STXBP5L: variants seen among roughly 807,000 people sequenced by gnomAD.
The protein encoded by STXBP5L is syntaxin binding protein 5L, also known as syntaxin-binding protein 5-like.
Under a neutral mutation model 144.5 loss-of-function variants are expected in STXBP5L, and 65 were observed. That is an observed-to-expected ratio of 0.45 (90% CI 0.37 to 0.55). The LOEUF is 0.55. STXBP5L is among the 20% of genes least tolerant of loss of function. The probability of loss-of-function intolerance (pLI) is 0.00; values close to 1 mark genes in which losing one functional copy is unlikely to be tolerated. For synonymous variants in STXBP5L, 505 were observed against 469.6 expected, an observed-to-expected ratio of 1.08 and a Z score of -0.97; for missense variants, 1,298 against 1,405.5, an observed-to-expected ratio of 0.92 and a Z score of 1.22.
chr3:120,938,930 A>C (rs657578), intron 2 of STXBP5L, among the ~76,000 whole-genome samples: 78,220 of 151,774 alleles, frequency 0.52, 20,601 homozygotes, highest in Admixed American at 0.6. Flanking sequence ...TACAGGGGCG[A>C]AACACCATTC....
At chr3:121,250,114 A>G (rs953405757) in intron 14 of STXBP5L, among the ~76,000 whole-genome samples, 10 of 151,982 alleles carry the variant, frequency 6.6e-5, no homozygotes, top group Non-Finnish European at 1.3e-4. Flanking sequence ...GACAATTTTT[A>G]TGCCTATTCT....
chr3:121,054,867 T>G (rs769453013), intron 5 of STXBP5L, among the ~76,000 whole-genome samples: 66 of 151,868 alleles, frequency 4.3e-4, no homozygotes, highest in Middle Eastern at 3.4e-3. Context: ...TCTAATACTT[T>G]GAATAGATCT....
intron 9 of STXBP5L, among the ~76,000 whole-genome samples, chr3:121,195,517 ATAT>A (rs2047888187): frequency 6.6e-6 from 1 of 152,124 alleles, no homozygotes; most frequent in African/African-American, 2.4e-5. Flanking sequence ...AGATAATGCA[ATAT>A]TTGTCTTTCT....
chr3:121,274,126 A>G (rs557407331), intron 18 of STXBP5L, among the ~76,000 whole-genome samples: 2 of 152,140 alleles, frequency 1.3e-5, no homozygotes, highest in African/African-American at 2.4e-5. Flanking sequence ...CAGTGTTATC[A>G]TTCCCTGCTT....
At chr3:121,048,513 T>A (rs1947685271) in intron 5 of STXBP5L, among the ~76,000 whole-genome samples, 1 of 152,108 alleles carries the variant, frequency 6.6e-6, no homozygotes, top group African/African-American at 2.4e-5. Flanking sequence ...CTTTACATAA[T>A]CCTTTATTTT....
chr3:121,385,359 C>T (rs76483735), intron 22 of STXBP5L, among the ~76,000 whole-genome samples: 19,219 of 152,070 alleles, frequency 0.13, 1,352 homozygotes, highest in Middle Eastern at 0.18. Context: ...GGAGGTACCA[C>T]ATAATTTTAA....
At chr3:121,026,449 A>T (rs925875703) in intron 3 of STXBP5L, among the ~76,000 whole-genome samples, 2 of 151,926 alleles carry the variant, frequency 1.3e-5, no homozygotes, top group Non-Finnish European at 2.9e-5. Context: ...CATTTTGCTT[A>T]TTTGTTTGCT....
chr3:121,351,022 G>C (rs1038779136), intron 20 of STXBP5L, among the ~76,000 whole-genome samples: 1 of 151,970 alleles, frequency 6.6e-6, no homozygotes, highest in Admixed American at 6.6e-5. Flanking sequence ...TCCTTTGGAG[G>C]AGGAGAGGCG....
At chr3:121,312,391 T>TTA (rs1491500989) in intron 19 of STXBP5L, among the ~76,000 whole-genome samples, 62 of 100,380 alleles carry the variant, frequency 6.2e-4, no homozygotes, top group South Asian at 9.8e-4. Flanking sequence ...TTTTTTTTTT[T>TTA]ATGGCAGAAA....
chr3:120,983,064 T>C (rs1941947843), intron 3 of STXBP5L, among the ~76,000 whole-genome samples: 1 of 152,114 alleles, frequency 6.6e-6, no homozygotes, highest in Non-Finnish European at 1.5e-5. Flanking sequence ...GATACACATG[T>C]TTTGCTCACA....
chr3:121,292,100 A>G (rs1386124258), intron 19 of STXBP5L, among the ~76,000 whole-genome samples: 1 of 152,238 alleles, frequency 6.6e-6, no homozygotes, highest in African/African-American at 2.4e-5. Context: ...ATAAATAATC[A>G]GTAAACAGAC....
intron 6 of STXBP5L, among the ~76,000 whole-genome samples, 177 bp downstream of exon 6, chr3:121,115,236 T>C (rs1020304863): frequency 6.6e-6 from 1 of 152,130 alleles, no homozygotes; most frequent in African/African-American, 2.4e-5. Context: ...TATTACAATA[T>C]TTTAGGCTTT....
chr3:121,152,466 A>C lies in STXBP5L; in HGVS notation c.670-11A>C. On this transcript the variant is annotated splice_polypyrimidine_tract_variant and intron_variant, in intron 7 of 26. Coordinates refer to ENST00000471454, the MANE Select transcript of STXBP5L (RefSeq NM_001308330.2). ...TAGAATTAAGAAAATGATTGTTCTA[A>C]TGTTTTCCAGCTGCTAATAGGTTAT... is the stretch of plus-strand genomic sequence containing the variant. 6.3e-7 allele frequency: 1 copy of C among 1,577,918 alleles called. No individual in the cohort carries two copies. Among genetic ancestry groups the C allele is most frequent in the Non-Finnish European group, 8.6e-7 (1 of 1,157,920 alleles).
At chr3:121,063,053 G>T (rs937905781) in intron 5 of STXBP5L, among the ~76,000 whole-genome samples, 2 of 152,088 alleles carry the variant, frequency 1.3e-5, no homozygotes, top group African/African-American at 4.8e-5. Context: ...TCCCTTGCTG[G>T]TGAGGAGTTG....
At position 121,116,188 on chromosome 3, in the gene STXBP5L, C is replaced by T. The variant is rs534255243; in HGVS notation, c.605+1129C>T. On this transcript the variant is annotated intron_variant, in intron 6 of 26. Coordinates refer to ENST00000471454, the MANE Select transcript of STXBP5L (RefSeq NM_001308330.2). ...GTTTATGCTCTCTACATATTAGGTCCTTGATAAGATGTTTGACTTGAAGTT... is the reference window on the plus strand; with the variant it reads ...GTTTATGCTCTCTACATATTAGGTCTTTGATAAGATGTTTGACTTGAAGTT... Among the ~76,000 whole-genome samples, 15 of 152,192 alleles carry T rather than the reference C, an allele frequency of 9.9e-5. No homozygotes were observed. In the South Asian group the frequency reaches 1.7e-3, roughly 17 times the overall value.
intron 19 of STXBP5L, among the ~76,000 whole-genome samples, chr3:121,314,740 C>T (rs1315213734): frequency 6.6e-6 from 1 of 152,060 alleles, no homozygotes; most frequent in Non-Finnish European, 1.5e-5. Context: ...ACTCATCTGA[C>T]AAAGGGCTAA....
chr3:121,355,354 G>T (rs1002005072), intron 20 of STXBP5L, among the ~76,000 whole-genome samples: 1 of 152,000 alleles, frequency 6.6e-6, no homozygotes, highest in Non-Finnish European at 1.5e-5. Flanking sequence ...TTTTCATATA[G>T]TCCCATATTT....
chr3:121,325,034 G>A (rs938463950), intron 20 of STXBP5L, among the ~76,000 whole-genome samples: 1 of 151,906 alleles, frequency 6.6e-6, no homozygotes, highest in African/African-American at 2.4e-5. Flanking sequence ...AAGAGGCAAT[G>A]TTATCTCTCA....
chr3:121,226,593 A>G (rs1390950395), intron 11 of STXBP5L, among the ~76,000 whole-genome samples: 2 of 152,170 alleles, frequency 1.3e-5, no homozygotes, highest in African/African-American at 4.8e-5. Flanking sequence ...TCCCGAGAGC[A>G]TCCCTAGTCT....
Sources: gnomAD v4.1 joint callset for allele counts (sites outside exome capture counted in the v4.1 genomes callset) on GRCh38, gnomAD v4.1.1 for gene constraint, MANE v1.5 for transcripts, NCBI Gene and HGNC (gene_info 2026-07-23, HGNC 2026-07-21) for gene names.